Variants in GBF1 observed in about 807,000 individuals in gnomAD.
GBF1 encodes golgi brefeldin A resistant guanine nucleotide exchange factor 1.
Under a neutral mutation model 210.5 loss-of-function variants are expected in GBF1, and 114 were observed. The ratio of observed to expected loss-of-function variants is 0.54; its 90% CI spans 0.47 to 0.63. The LOEUF (loss-of-function observed/expected upper bound fraction) is 0.63, where lower values mean the gene tolerates loss of function less well. GBF1 is among the 30% of genes least tolerant of loss of function. The probability of loss-of-function intolerance (pLI) is 0.00; values close to 1 mark genes in which losing one functional copy is unlikely to be tolerated. For synonymous variants in GBF1, 850 were observed against 889.2 expected, an observed-to-expected ratio of 0.96 and a Z score of 0.78; for missense variants, 1,851 against 2,357.7, an observed-to-expected ratio of 0.79 and a Z score of 4.45.
the GBF1 span, among the ~76,000 whole-genome samples, chr10:102,233,076 C>G: frequency 1.3e-5 from 2 of 152,034 alleles, no homozygotes; most frequent in African/African-American, 4.8e-5. Context: ...ACTCCTAATG[C>G]TTTTTCTTTG....
chr10:102,332,441 T>C (rs768939103), intron 3 of GBF1, among the ~76,000 whole-genome samples: 5 of 151,110 alleles, frequency 3.3e-5, no homozygotes. Context: ...GGAGTAAAAA[T>C]GTTATGATCT....
In GBF1 at chr10:102,365,544, A is replaced by C; in HGVS notation, c.2254A>C (p.Ile752Leu). The change falls in exon 18 of 40, where the codon ATT becomes CTT. Residue 752 changes from isoleucine (I) to leucine (L), a missense_variant. Ile to Leu is a conservative substitution (Grantham distance 5). Around this residue, in one of 3 missense-constraint regions of GBF1, gnomAD observed 804 missense variants for 958.6 expected, o/e 0.84. Transcript: ENST00000369983. ...RENPRLDKKM[I>L]GEFVSDRKNI... is the part of the protein sequence containing the mutation. ...GAACCCTCGGCTGGACAAGAAGATGATTGGAGAGTTTGTGAGTGACCGCAA... is the reference window on the plus strand; with the variant it reads ...GAACCCTCGGCTGGACAAGAAGATGCTTGGAGAGTTTGTGAGTGACCGCAA... The C allele has an allele frequency of 6.2e-7, 1 of 1,614,178 alleles. No homozygotes were observed. Among genetic ancestry groups the C allele is most frequent in the Non-Finnish European group, 8.5e-7 (1 of 1,180,030 alleles).
chr10:102,246,041 C>T (rs1053110674), intron 1 of GBF1, among the ~76,000 whole-genome samples: 1 of 152,198 alleles, frequency 6.6e-6, no homozygotes, highest in Non-Finnish European at 1.5e-5. Flanking sequence ...TCTGTTTTCC[C>T]AGGCTTGACC....
At chr10:102,345,150 C>T (rs543434758) in intron 4 of GBF1, among the ~76,000 whole-genome samples, 8 of 151,056 alleles carry the variant, frequency 5.3e-5, no homozygotes, top group South Asian at 4.2e-4. Context: ...GGCGTGGTGG[C>T]GGGCTTCTGT....
At position 102,379,850 on chromosome 10, in the gene GBF1, C is replaced by G; in HGVS notation, c.4777-3C>G. 1 of 1,606,730 alleles carries G rather than the reference C, an allele frequency of 6.2e-7. No homozygotes were observed. Among genetic ancestry groups the G allele is most frequent in the Non-Finnish European group, 8.5e-7 (1 of 1,173,516 alleles). On this transcript the variant is annotated splice_polypyrimidine_tract_variant and splice_region_variant and intron_variant, in intron 35 of 39. Transcript: ENST00000369983. ...GGAGACATTGCACATTTACCCCCAC[C>G]AGGTGCTGTTTCCTCTACTTACCAA...
intron 3 of GBF1, among the ~76,000 whole-genome samples, chr10:102,269,855 A>G (rs1022806678): frequency 1.3e-5 from 2 of 152,002 alleles, no homozygotes; most frequent in Non-Finnish European, 2.9e-5. Flanking sequence ...ACATCACTGT[A>G]ATGGGTTGCA....
At chr10:102,293,631 G>A (rs985007543) in intron 3 of GBF1, among the ~76,000 whole-genome samples, 12 of 151,950 alleles carry the variant, frequency 7.9e-5, no homozygotes, top group African/African-American at 2.9e-4. Flanking sequence ...CACTCTGTAG[G>A]CCTAGGCCAA....
chr10:102,338,298 T>C (rs2057918010), intron 3 of GBF1, among the ~76,000 whole-genome samples: 2 of 147,446 alleles, frequency 1.4e-5, no homozygotes, highest in African/African-American at 5.1e-5. Flanking sequence ...TGGAGTGCAG[T>C]GGTGCAGTCT....
In GBF1 at chr10:102,358,605, TCTC is replaced by T. The variant is rs752293431; in HGVS notation, c.892_894del (p.Ser298del). Reference sequence around the variant, plus strand: ...CCCTCTACAGACAGTGGCCTGGAATTCTCCTCCCAAACCACTTCCAAGGAAGAC... The same window carrying T: ...CCCTCTACAGACAGTGGCCTGGAATTCTCCCAAACCACTTCCAAGGAAGAC... On this transcript the variant is annotated inframe_deletion, in exon 10 of 40. Transcript: ENST00000369983. 8 of 1,613,584 alleles carry T rather than the reference TCTC, an allele frequency of 5.0e-6. No homozygotes were observed. Among genetic ancestry groups the T allele is most frequent in the South Asian group, 1.1e-5 (1 of 91,068 alleles).
chr10:102,270,778 C>A (rs2074329795), intron 3 of GBF1, among the ~76,000 whole-genome samples: 1 of 152,184 alleles, frequency 6.6e-6, no homozygotes, highest in Non-Finnish European at 1.5e-5. Context: ...TGTCCCCAAA[C>A]TTTTATAGCT....
intron 3 of GBF1, among the ~76,000 whole-genome samples, chr10:102,280,830 C>T (rs1565053589): frequency 6.6e-6 from 1 of 152,098 alleles, no homozygotes; most frequent in Non-Finnish European, 1.5e-5. Context: ...AGTATATCAT[C>T]GGCAGATTTG....
In GBF1 at chr10:102,363,112, T is replaced by C; in HGVS notation, c.1877-144T>C. ...GCTTGGCTGGGACAGGGACTACTTA[T>C]TTTGGCTTGGGTTTGTCCTGCTCAG... On this transcript the variant is annotated intron_variant, in intron 15 of 39. Coordinates refer to ENST00000369983, the MANE Select transcript of GBF1 (RefSeq NM_001377137.1). This position sits in a 1 kb window ranked among gnomAD's most constrained non-coding sequence, Gnocchi z 4.2. 1 of 610,766 alleles carries C rather than the reference T, an allele frequency of 1.6e-6. No individual in the cohort carries two copies. Among genetic ancestry groups the C allele is most frequent in the Non-Finnish European group, 2.8e-6 (1 of 358,234 alleles). 37.8% of individuals were successfully genotyped at this position (610,766 alleles called of 1,614,324 possible). A position where few individuals can be genotyped will look rare whatever the true frequency, so the allele number is the denominator to read the frequency against.
chr10:102,358,382 T>C, intron 9 of GBF1, 124 bp from the exon 10 acceptor site: 2 of 799,264 alleles, frequency 2.5e-6, no homozygotes, highest in Non-Finnish European at 2.0e-6. Flanking sequence ...CTGACAACTT[T>C]AGAGACCAAT....
At chr10:102,232,597 G>T in the GBF1 span, among the ~76,000 whole-genome samples, 2 of 152,156 alleles carry the variant, frequency 1.3e-5, no homozygotes, top group Non-Finnish European at 2.9e-5. Flanking sequence ...CAGGAGAATC[G>T]CTTGAACCTG....
At chr10:102,294,386 CT>C (rs56033220) in intron 3 of GBF1, among the ~76,000 whole-genome samples, 118 of 140,758 alleles carry the variant, frequency 8.4e-4, no homozygotes, top group East Asian at 2.1e-3. Flanking sequence ...TTTTCTTTTT[CT>C]TTTTTTTTTT....
At position 102,363,331 on chromosome 10, in the gene GBF1, G is replaced by A. The variant is rs1409131702; in HGVS notation, c.1952G>A (p.Gly651Glu). 3 of 1,614,124 alleles carry A rather than the reference G, an allele frequency of 1.9e-6. No individual in the cohort carries two copies. Among genetic ancestry groups the A allele is most frequent in the Non-Finnish European group, 2.5e-6 (3 of 1,179,980 alleles). ...DIPGLHLPGG[G>E]RLPPEHGKSG... ...CCAGGCCTGCATCTGCCAGGTGGAG[G>A]GCGGCTGCCACCAGAACATGGGAAA... Residue 651 changes from glycine to glutamate, a missense_variant, in exon 16 of 40, where the codon GGG becomes GAG. By Grantham distance (98) the Gly-to-Glu change is moderately conservative. Coordinates refer to ENST00000369983, the MANE Select transcript of GBF1 (RefSeq NM_001377137.1). The surrounding 1 kb of genome is among the most constrained non-coding windows in gnomAD (Gnocchi z 4.2).
At chr10:102,273,520 G>A (rs756202752) in intron 3 of GBF1, among the ~76,000 whole-genome samples, 2 of 152,192 alleles carry the variant, frequency 1.3e-5, no homozygotes, top group Non-Finnish European at 2.9e-5. Flanking sequence ...GAAAGTTTGT[G>A]ATGTACTCCT....
At position 102,376,343 on chromosome 10, in the gene GBF1, G is replaced by A. The variant is rs1010871695; in HGVS notation, c.3958G>A (p.Asp1320Asn). 1 of 1,613,720 alleles carries A rather than the reference G, an allele frequency of 6.2e-7. No homozygotes were observed. Among genetic ancestry groups the A allele is most frequent in the Non-Finnish European group, 8.5e-7 (1 of 1,179,850 alleles). Residue 1320 changes from aspartate (D) to asparagine (N), a missense_variant, in exon 31 of 40, where the codon GAC becomes AAC. By Grantham distance (23) the Asp-to-Asn change is conservative (BLOSUM62 1). Coordinates refer to ENST00000369983, the MANE Select transcript of GBF1 (RefSeq NM_001377137.1). ...GAGCCTGGATCGAGGGTACACTTCC[G>A]ACTCAGAGGTCTACACTGACCATGG... The part of the protein sequence containing the change: ...DVSLDRGYTS[D>N]SEVYTDHGRP...
intron 1 of GBF1, among the ~76,000 whole-genome samples, chr10:102,246,142 A>G (rs963105478): frequency 2.6e-5 from 4 of 152,166 alleles, no homozygotes; most frequent in African/African-American, 9.7e-5. Context: ...CATTGTGTCT[A>G]CTTTTATGGG....
Sources: gnomAD v4.1 joint callset for allele counts (sites outside exome capture counted in the v4.1 genomes callset) on GRCh38, gnomAD v4.1.1 for gene constraint, gnomAD v4.1.1 regional missense constraint, Gnocchi (gnomAD v3.1) non-coding constraint, MANE v1.5 for transcripts, NCBI Gene and HGNC (gene_info 2026-07-23, HGNC 2026-07-21) for gene names.